The following PARD3 variants were observed in gnomAD, a reference collection of about 807,000 sequenced individuals.
PARD3 encodes the protein partitioning defective 3 homolog.
Under a neutral mutation model 155.4 loss-of-function variants are expected in PARD3, and 75 were observed. The observed-to-expected ratio is 0.48, with a 90% CI of 0.40 to 0.58. PARD3 has a LOEUF of 0.58. PARD3 is among the 20% of genes least tolerant of loss of function. The pLI, the probability that PARD3 is intolerant of heterozygous loss-of-function variation, is 0.00. For missense variants in PARD3, 1,642 were observed against 1,721.7 expected (o/e 0.95, Z 0.82); for synonymous variants, 576 against 610.5 (o/e 0.94, Z 0.83).
intron 21 of PARD3, among the ~76,000 whole-genome samples, chr10:34,281,160 G>A (rs966084017): frequency 3.3e-5 from 5 of 152,122 alleles, no homozygotes; most frequent in Admixed American, 6.6e-5. Flanking sequence ...ATTGGAACAT[G>A]TTCTGTTTTG....
intron 2 of PARD3, among the ~76,000 whole-genome samples, chr10:34,586,621 T>C (rs1386609137): frequency 6.6e-6 from 1 of 152,182 alleles, no homozygotes; most frequent in Non-Finnish European, 1.5e-5. Context: ...CTAGCCATAT[T>C]TGAAAAATAT....
At chr10:34,662,248 G>T (rs2093343016) in intron 2 of PARD3, among the ~76,000 whole-genome samples, 1 of 152,116 alleles carries the variant, frequency 6.6e-6, no homozygotes, top group African/African-American at 2.4e-5. Context: ...CAAAAGACAG[G>T]TAATAACAAA....
chr10:34,297,365 T>C (rs1008520434), intron 20 of PARD3, among the ~76,000 whole-genome samples: 19 of 152,162 alleles, frequency 1.2e-4, no homozygotes, highest in Admixed American at 2.6e-4. Flanking sequence ...CTTGGGGTAT[T>C]TGATGTGTGA....
intron 23 of PARD3, among the ~76,000 whole-genome samples, chr10:34,125,539 A>G (rs1947241764): frequency 6.6e-6 from 1 of 152,194 alleles, no homozygotes; most frequent in African/African-American, 2.4e-5. Context: ...AAGGAAAACC[A>G]CCATTTTCTG....
At chr10:34,586,643 T>C (rs1026118584) in intron 2 of PARD3, among the ~76,000 whole-genome samples, 1 of 152,322 alleles carries the variant, frequency 6.6e-6, no homozygotes, top group East Asian at 1.9e-4. Flanking sequence ...TGCTAGATGA[T>C]TCTAAGCATT....
chr10:34,215,611 T>C (rs571625616), intron 22 of PARD3, among the ~76,000 whole-genome samples: 4 of 152,362 alleles, frequency 2.6e-5, no homozygotes, highest in African/African-American at 4.8e-5. Flanking sequence ...TCCAACTCCA[T>C]GGATTATAAA....
chr10:34,399,543 C>T, intron 6 of PARD3, 130 bp from the exon 7 acceptor site: 1 of 671,194 alleles, frequency 1.5e-6, no homozygotes. Flanking sequence ...GAACAAAAAT[C>T]CCACCAAGTG....
chr10:34,696,216 A>C, intron 2 of PARD3, 102 bp downstream of exon 2: 2 of 680,742 alleles, frequency 2.9e-6, no homozygotes, highest in South Asian at 3.8e-5. Context: ...CACATAATTT[A>C]AAGTATGTGT....
chr10:34,331,276 T>C lies in PARD3; in HGVS notation c.2674A>G (p.Thr892Ala). The change falls in exon 19 of 25, where the codon ACC (threonine) becomes GCC (alanine). Residue 892 changes from threonine (T) to alanine (A), a missense_variant. This residue lies in a region of PARD3 where 1,529 missense variants were observed against 1,587.3 expected (regional missense o/e 0.96). Transcript: ENST00000374788. Reference protein sequence around the residue: ...KKSSSLESLQTAVAEVTLNGD... With the variant: ...KKSSSLESLQAAVAEVTLNGD... ...TTCAAAGTCACCTCGGCAACTGCGG[T>C]CTGCAGACTCTCCAACGAGCTTGAC... The C allele has an allele frequency of 2.5e-6, 4 of 1,613,972 alleles. No homozygotes were observed. Among genetic ancestry groups the C allele is most frequent in the Non-Finnish European group, 3.4e-6 (4 of 1,179,942 alleles).
At chr10:34,266,812 C>G (rs557116131) in intron 22 of PARD3, among the ~76,000 whole-genome samples, 5 of 152,298 alleles carry the variant, frequency 3.3e-5, no homozygotes, top group African/African-American at 4.8e-5. Context: ...AGTGGGGATG[C>G]TGGAGTCCAG....
At chr10:34,605,996 CCT>C (rs2090375933) in intron 2 of PARD3, among the ~76,000 whole-genome samples, 1 of 112,274 alleles carries the variant, frequency 8.9e-6, no homozygotes, top group East Asian at 2.5e-4. Context: ...ATATATATCT[CCT>C]ATATATATAT....
intron 2 of PARD3, among the ~76,000 whole-genome samples, chr10:34,633,603 A>G (rs920468644): frequency 7.2e-5 from 11 of 152,316 alleles, no homozygotes; most frequent in Middle Eastern, 3.4e-3. Flanking sequence ...CTGGTGCCGT[A>G]TCTTAGCTAC....
At chr10:34,235,461 G>A (rs1383728154) in intron 22 of PARD3, among the ~76,000 whole-genome samples, 1 of 152,180 alleles carries the variant, frequency 6.6e-6, no homozygotes, top group Admixed American at 6.5e-5. Context: ...CCCTTGTCGT[G>A]TTCTCTCCTA....
intron 22 of PARD3, among the ~76,000 whole-genome samples, chr10:34,213,851 T>C (rs1437314658): frequency 6.6e-6 from 1 of 152,180 alleles, no homozygotes; most frequent in African/African-American, 2.4e-5. Context: ...TTTCAACTTA[T>C]TTTGATTTTT....
chr10:34,420,409 G>A (rs1564693496), intron 5 of PARD3, among the ~76,000 whole-genome samples: 1 of 152,110 alleles, frequency 6.6e-6, no homozygotes, highest in South Asian at 2.1e-4. Context: ...TTAACAGTCA[G>A]TTTATACATA....
At chr10:34,508,943 T>C (rs907337834) in intron 3 of PARD3, among the ~76,000 whole-genome samples, 2 of 152,164 alleles carry the variant, frequency 1.3e-5, no homozygotes, top group African/African-American at 2.4e-5. Context: ...CTCATTACTA[T>C]ACAAAACCAT....
Position 34,288,942 on chromosome 10 carries a change from TAAGTCATATTA to T in PARD3, c.3066-4708_3066-4698del, listed in dbSNP as rs1201678554. ...CAGGAAGAATTTGCTAGTCATGCCT[TAAGTCATATTA>T]AAATAGAAGAACGACCTTCTTTTTT... On this transcript the variant is annotated intron_variant, in intron 20 of 24. Transcript: ENST00000374788. Among the ~76,000 whole-genome samples, 4 of 152,230 alleles carry T rather than the reference TAAGTCATATTA, an allele frequency of 2.6e-5. No homozygotes were observed. In the South Asian group the frequency reaches 8.3e-4, roughly 32 times the overall value.
intron 2 of PARD3, among the ~76,000 whole-genome samples, chr10:34,688,936 G>A (rs1173194393): frequency 6.6e-6 from 1 of 152,136 alleles, no homozygotes; most frequent in Non-Finnish European, 1.5e-5. Context: ...CCCTGCTACA[G>A]AGGCAGAGCC....
rs181616685 is a variant in PARD3, at chr10:34,568,697, A to C, written c.223-51538T>G. Reference sequence around the variant, plus strand: ...CAGCGATTTCCAAGCTAAAGAACAGAGATGCTGCAGTTAAAGAAGAGCTAA... The same window carrying C: ...CAGCGATTTCCAAGCTAAAGAACAGCGATGCTGCAGTTAAAGAAGAGCTAA... On this transcript the variant is annotated intron_variant, in intron 2 of 24. Transcript: ENST00000374788. Among the ~76,000 whole-genome samples, 3 of 152,310 alleles carry C rather than the reference A, an allele frequency of 2.0e-5. No individual in the cohort carries two copies. The East Asian group carries it at 5.8e-4, about 29-fold the overall frequency.
Sources: allele counts gnomAD v4.1 joint callset (sites outside exome capture counted in the v4.1 genomes callset), GRCh38; gene constraint gnomAD v4.1.1; regional missense constraint gnomAD v4.1.1; transcripts MANE v1.5; gene names NCBI Gene and HGNC (gene_info 2026-07-23, HGNC 2026-07-21).